Variants in PRDM6 observed in about 807,000 individuals in gnomAD.
PRDM6 encodes putative histone-lysine N-methyltransferase PRDM6.
PRDM6 carries 25 observed loss-of-function variants against 60.8 expected under a neutral mutation model. The observed-to-expected ratio is 0.41, with a 90% CI of 0.30 to 0.57. PRDM6 has a LOEUF of 0.57. Ranked by LOEUF, PRDM6 falls within the 20% of genes least tolerant of loss-of-function variation. The probability of loss-of-function intolerance (pLI) is 0.27; values close to 1 mark genes in which losing one functional copy is unlikely to be tolerated. For synonymous variants in PRDM6, 407 were observed against 357.4 expected (o/e 1.14, Z -1.57); for missense variants, 839 against 821.3 (o/e 1.02, Z -0.26).
At position 123,099,798 on chromosome 5, in the gene PRDM6, G is replaced by C; in HGVS notation, c.737G>C (p.Arg246Pro). The C allele has an allele frequency of 6.5e-7, 1 of 1,549,016 alleles. No homozygotes were observed. The highest frequency in any genetic ancestry group is 8.7e-7 in the Non-Finnish European group (1 of 1,146,124). ...ELPEWLRDLP[R>P]EVCLCTSTVP... Reference sequence around the variant, plus strand: ...CCGGAGTGGCTGCGGGACCTGCCTCGCGAGGTGTGCCTCTGCACCAGTACT... The same window carrying C: ...CCGGAGTGGCTGCGGGACCTGCCTCCCGAGGTGTGCCTCTGCACCAGTACT... The change falls in exon 3 of 8, where the codon CGC becomes CCC. Residue 246 changes from arginine to proline, a missense_variant. By Grantham distance (103) the Arg-to-Pro change is moderately radical (BLOSUM62 -2). Transcript: ENST00000407847. This position sits in a 1 kb window ranked among gnomAD's most constrained non-coding sequence, Gnocchi z 4.0.
rs1580524553 is a variant in PRDM6 at position 123,155,957 on chromosome 5, A to G, written c.974A>G (p.Tyr325Cys). ...CCTAGTAAGTCGAGCTGGATGAGGT[A>G]TATCCGATGTGCAAGGCACTGCGGA... is the stretch of plus-strand genomic sequence containing the variant. The part of the protein sequence containing the change: ...GEPSKSSWMR[Y>C]IRCARHCGEQ... The change falls in exon 4 of 8, where the codon TAT (tyrosine) becomes TGT (cysteine). Residue 325 changes from tyrosine (Y) to cysteine (C), a missense_variant. Coordinates refer to ENST00000407847, the MANE Select transcript of PRDM6 (RefSeq NM_001136239.4). The G allele has an allele frequency of 1.6e-5, 25 of 1,551,700 alleles. No individual in the cohort carries two copies. In the East Asian group the frequency reaches 5.9e-4, roughly 36 times the overall value.
At chr5:123,174,761 T>C (rs1765966832) in intron 6 of PRDM6, among the ~76,000 whole-genome samples, 1 of 152,070 alleles carries the variant, frequency 6.6e-6, no homozygotes, top group Admixed American at 6.5e-5. Context: ...CACTGTGTTA[T>C]TCACATTTAA....
intron 2 of PRDM6, 40 bp downstream of exon 2, chr5:123,090,646 G>C (rs1415345484): frequency 7.4e-7 from 1 of 1,360,232 alleles, no homozygotes; most frequent in African/African-American, 2.5e-5. Context: ...CCGGGGCGCC[G>C]GCGCCGGCGC....
At chr5:123,116,664 T>A (rs970544355) in intron 3 of PRDM6, among the ~76,000 whole-genome samples, 3 of 152,150 alleles carry the variant, frequency 2.0e-5, no homozygotes, top group African/African-American at 7.2e-5. Context: ...TACAAGACAA[T>A]TTGCTTTAGG....
chr5:123,094,530 G>T (rs1475846144), intron 2 of PRDM6, among the ~76,000 whole-genome samples: 2 of 151,884 alleles, frequency 1.3e-5, no homozygotes, highest in African/African-American at 4.8e-5. Context: ...GTTATCTAGC[G>T]CCCTGAAACC....
chr5:123,136,508 T>G (rs558272669), intron 3 of PRDM6, among the ~76,000 whole-genome samples: 1 of 152,304 alleles, frequency 6.6e-6, no homozygotes, highest in South Asian at 2.1e-4. Flanking sequence ...AAAAAATAAC[T>G]TAATTAGAAA....
intron 3 of PRDM6, among the ~76,000 whole-genome samples, chr5:123,102,595 C>G (rs1256500417): frequency 6.6e-6 from 1 of 151,976 alleles, no homozygotes; most frequent in Non-Finnish European, 1.5e-5. Flanking sequence ...TTTTAGATGT[C>G]TTCCAGAATA....
At chr5:123,173,107 T>C (rs149812629) in intron 6 of PRDM6, among the ~76,000 whole-genome samples, 1,889 of 151,098 alleles carry the variant, frequency 0.013, 47 homozygotes, top group African/African-American at 0.043. Context: ...AGGAGAATGG[T>C]GTGAACTCAG....
chr5:123,172,577 C>T (rs891788140), intron 6 of PRDM6, among the ~76,000 whole-genome samples: 1 of 152,154 alleles, frequency 6.6e-6, no homozygotes, highest in Non-Finnish European at 1.5e-5. Flanking sequence ...AGATATGTCT[C>T]TTTTAAGTTT....
chr5:123,122,131 C>G (rs190207739), intron 3 of PRDM6, among the ~76,000 whole-genome samples: 98 of 125,722 alleles, frequency 7.8e-4, no homozygotes, highest in Non-Finnish European at 1.3e-3. Context: ...CCATTGCACT[C>G]CAGCCTGGGC....
rs1015187091 is a variant in PRDM6 at position 123,193,092 on chromosome 5, C to A, written c.*5891C>A. The A allele has an allele frequency of 1.3e-5, 2 of 152,190 alleles. No individual in the cohort carries two copies. The highest frequency in any genetic ancestry group is 1.5e-5 in the Non-Finnish European group (1 of 68,038). The allele number at this position is 152,190 out of a possible 1,614,324, so 9.4% of individuals were successfully genotyped here. On this transcript the variant is annotated 3_prime_UTR_variant, in exon 8 of 8. Coordinates refer to ENST00000407847, the MANE Select transcript of PRDM6 (RefSeq NM_001136239.4). ...AACTCTTTACCGTGGTTTATTGAAACCACAATGTATACTACTTTCCTCCAG... is the reference window on the plus strand; with the variant it reads ...AACTCTTTACCGTGGTTTATTGAAAACACAATGTATACTACTTTCCTCCAG...
At chr5:123,142,781 T>C (rs1307605784) in intron 3 of PRDM6, among the ~76,000 whole-genome samples, 1 of 151,228 alleles carries the variant, frequency 6.6e-6, no homozygotes, top group Admixed American at 6.6e-5. Flanking sequence ...CAGTTTGCTT[T>C]TCTAGCGATC....
rs1020103469 is a variant in PRDM6 at position 123,192,387 on chromosome 5, CTTTT to C, written c.*5191_*5194del. ...GAGGAAAATACTTCTCTATGTAAAG[CTTTT>C]TTTTGAGAACAAGAGCTTTTAAAAA... On this transcript the variant is annotated 3_prime_UTR_variant, in exon 8 of 8. Coordinates refer to ENST00000407847, the MANE Select transcript of PRDM6 (RefSeq NM_001136239.4). 1 of 151,802 alleles carries C rather than the reference CTTTT, an allele frequency of 6.6e-6. No homozygotes were observed. The highest frequency in any genetic ancestry group is 2.4e-5 in the African/African-American group (1 of 41,330). 9.4% of individuals were successfully genotyped at this position (151,802 alleles called of 1,614,324 possible).
intron 3 of PRDM6, among the ~76,000 whole-genome samples, chr5:123,154,335 T>C (rs1225744903): frequency 1.3e-5 from 2 of 152,102 alleles, no homozygotes; most frequent in Non-Finnish European, 2.9e-5. Flanking sequence ...ATAAATATAA[T>C]CCAAGAATCT....
At position 123,090,623 on chromosome 5, in the gene PRDM6, C is replaced by G; in HGVS notation, c.592+17C>G. Reference sequence around the variant, plus strand: ...CCAACAACCGTACGTAGCCGCAGCCCGCGCGCTCTCTCCCGGGGCGCCGGC... The same window carrying G: ...CCAACAACCGTACGTAGCCGCAGCCGGCGCGCTCTCTCCCGGGGCGCCGGC... On this transcript the variant is annotated intron_variant, in intron 2 of 7. Transcript: ENST00000407847. 6.7e-7 allele frequency: 1 copy of G among 1,500,818 alleles called. No individual in the cohort carries two copies. The allele number at this position is 1,500,818 out of a possible 1,614,324, so 93.0% of individuals were successfully genotyped here.
At chr5:123,163,918 G>T (rs1388593799) in intron 5 of PRDM6, among the ~76,000 whole-genome samples, 4 of 151,986 alleles carry the variant, frequency 2.6e-5, no homozygotes, top group Admixed American at 2.6e-4. Context: ...TTTTTCTTTT[G>T]ATTTTAAAGA....
rs140632946 is a variant in PRDM6 at position 123,179,209 on chromosome 5, G to A, written c.1497-938G>A. ...AAAACCAAAAATTGATTTACTTCTC[G>A]TGAGCTGGGAAGAATGTGCTCTGAT... On this transcript the variant is annotated intron_variant, in intron 6 of 7. Transcript: ENST00000407847. Among the ~76,000 whole-genome samples the A allele has an allele frequency of 9.7e-4, 147 of 152,272 alleles. 4 individuals carry two copies. In the East Asian group the frequency reaches 0.022, roughly 23 times the overall value.
intron 3 of PRDM6, among the ~76,000 whole-genome samples, chr5:123,137,435 C>T (rs143311807): frequency 3.9e-5 from 6 of 152,328 alleles, no homozygotes; most frequent in African/African-American, 4.8e-5. Flanking sequence ...AGGGCAGAGC[C>T]GGCCTTGGAA....
At chr5:123,151,483 A>G (rs1468420037) in intron 3 of PRDM6, among the ~76,000 whole-genome samples, 1 of 152,182 alleles carries the variant, frequency 6.6e-6, no homozygotes, top group African/African-American at 2.4e-5. Context: ...GGGGAGGCAG[A>G]GAAGTGGAGA....
Sources: allele counts gnomAD v4.1 joint callset (sites outside exome capture counted in the v4.1 genomes callset), GRCh38; gene constraint gnomAD v4.1.1; non-coding constraint Gnocchi (gnomAD v3.1); transcripts MANE v1.5; gene names NCBI Gene and HGNC (gene_info 2026-07-23, HGNC 2026-07-21).